The following SCNN1A variants were observed in gnomAD, a reference collection of about 807,000 sequenced individuals.
SCNN1A encodes epithelial sodium channel subunit alpha.
A neutral mutation model predicts 68.6 loss-of-function variants in SCNN1A; 65 were observed. That is an observed-to-expected ratio of 0.95 (90% CI 0.78 to 1.16). The LOEUF (loss-of-function observed/expected upper bound fraction) is 1.16, where lower values mean the gene tolerates loss of function less well. Among genes scored for constraint, SCNN1A ranks in the 50% most tolerant of loss-of-function variants. The pLI is 0.00. For synonymous variants in SCNN1A, 357 were observed against 353.3 expected, an observed-to-expected ratio of 1.01 and a Z score of -0.12; for missense variants, 880 against 865.9, an observed-to-expected ratio of 1.02 and a Z score of -0.20.
chr12:6,352,930 G>A (rs1002197690), intron 8 of SCNN1A, among the ~76,000 whole-genome samples: 2 of 152,242 alleles, frequency 1.3e-5, no homozygotes, highest in South Asian at 2.1e-4. Context: ...GTCCCCTCCC[G>A]TGATGGCCCT....
chr12:6,347,697 G>T lies in SCNN1A; in HGVS notation c.*176C>A, dbSNP rs1387307008. 4 of 649,130 alleles carry T rather than the reference G, an allele frequency of 6.2e-6. No individual in the cohort carries two copies. Among genetic ancestry groups the T allele is most frequent in the Non-Finnish European group, 1.1e-5 (4 of 360,122 alleles). 40.2% of individuals were successfully genotyped at this position (649,130 alleles called of 1,614,324 possible). A position where few individuals can be genotyped will look rare whatever the true frequency, so the allele number is the denominator to read the frequency against. Reference sequence around the variant, plus strand: ...AAGGCACTTCTGGGCAGCTTCATCAGCTACTGTTCTTGGAGCAACTTCCTG... The same window carrying T: ...AAGGCACTTCTGGGCAGCTTCATCATCTACTGTTCTTGGAGCAACTTCCTG... On this transcript the variant is annotated 3_prime_UTR_variant, in exon 13 of 13. Transcript: ENST00000228916.
intron 2 of SCNN1A, among the ~76,000 whole-genome samples, chr12:6,368,221 C>G (rs886416177): frequency 1.3e-5 from 2 of 152,182 alleles, no homozygotes; most frequent in Non-Finnish European, 2.9e-5. Context: ...CCGCCCCCAA[C>G]CAGAATAGAT....
At chr12:6,364,716 C>A (rs1377383555) in intron 2 of SCNN1A, among the ~76,000 whole-genome samples, 1 of 151,322 alleles carries the variant, frequency 6.6e-6, no homozygotes, top group Non-Finnish European at 1.5e-5. Context: ...GAGCCGAGAT[C>A]GCGCCACTAC....
At chr12:6,357,195 T>G (rs1002868807) in intron 4 of SCNN1A, among the ~76,000 whole-genome samples, 1 of 151,914 alleles carries the variant, frequency 6.6e-6, no homozygotes, top group South Asian at 2.1e-4. Flanking sequence ...ACAAGTATAA[T>G]GGTGGGTGCT....
chr12:6,347,878 GC>G lies in SCNN1A; in HGVS notation c.2004del (p.Ter670GlufsTer25), dbSNP rs761663786. ...GASSSTCPLG[G>X]P Reference sequence around the variant, plus strand: ...GAGAAACCTCTCCTTCCCTCTCAGGGCCCCCCCAGAGGACAGGTGGAGGAAC... The same window carrying G: ...GAGAAACCTCTCCTTCCCTCTCAGGGCCCCCCAGAGGACAGGTGGAGGAAC... On this transcript the variant is annotated frameshift_variant, in exon 13 of 13. Coordinates refer to ENST00000228916, the MANE Select transcript of SCNN1A (RefSeq NM_001038.6). LOFTEE classifies it high-confidence loss of function. 1.9e-5 allele frequency: 31 copies of G among 1,597,556 alleles called. No homozygotes were observed. The highest frequency in any genetic ancestry group is 4.5e-5 in the East Asian group (2 of 44,708).
rs745777993 is a variant in SCNN1A at position 6,362,079 on chromosome 12, G to A, written c.847C>T (p.Arg283Cys). Residue 283 changes from arginine (R) to cysteine (C), a missense_variant, in exon 4 of 13, where the codon CGC (arginine) becomes TGC (cysteine). Arg to Cys is a radical substitution (Grantham distance 180, BLOSUM62 -3). Around this residue, in one of 3 missense-constraint regions of SCNN1A, gnomAD observed 758 missense variants for 721.8 expected, o/e 1.05. Coordinates refer to ENST00000228916, the MANE Select transcript of SCNN1A (RefSeq NM_001038.6). ...DTLGNFIFAC[R>C]FNQVSCNQAN... ...TGGTTGCAGGAGACCTGGTTGAAGCGGCAGGCGAAGATGAAGTTGCCCAGC... is the reference window on the plus strand; with the variant it reads ...TGGTTGCAGGAGACCTGGTTGAAGCAGCAGGCGAAGATGAAGTTGCCCAGC... The A allele has an allele frequency of 2.7e-5, 43 of 1,614,094 alleles. No homozygotes were observed. The highest frequency in any genetic ancestry group is 1.1e-4 in the East Asian group (5 of 44,888).
At chr12:6,365,620 G>A (rs939011020) in intron 2 of SCNN1A, among the ~76,000 whole-genome samples, 1 of 152,238 alleles carries the variant, frequency 6.6e-6, no homozygotes, top group Admixed American at 6.5e-5. Flanking sequence ...TTGTTAGCAG[G>A]TTCTGCTAGA....
intron 10 of SCNN1A, 38 bp from the exon 11 acceptor site, chr12:6,349,043 T>C (rs371018426): frequency 6.2e-7 from 1 of 1,611,806 alleles, no homozygotes; most frequent in African/African-American, 1.3e-5. Context: ...GTCACTCCCA[T>C]ATGCTTCAGG....
At chr12:6,365,886 G>A (rs572864088) in intron 2 of SCNN1A, among the ~76,000 whole-genome samples, 5 of 151,246 alleles carry the variant, frequency 3.3e-5, no homozygotes, top group South Asian at 2.1e-4. Context: ...TTTTTGAGAC[G>A]GAGTCTCAAT....
intron 1 of SCNN1A, chr12:6,375,164 TTCC>T (rs1489067490): frequency 4.8e-6 from 7 of 1,459,872 alleles, no homozygotes; most frequent in African/African-American, 2.8e-5. Flanking sequence ...TTTGGTCTTC[TTCC>T]TCCAGGATCT....
intron 4 of SCNN1A, among the ~76,000 whole-genome samples, chr12:6,360,731 G>C (rs59254690): frequency 0.15 from 23,358 of 152,164 alleles, 3,820 homozygotes; most frequent in African/African-American, 0.42. Flanking sequence ...GAAAATAAAC[G>C]AGCAGGAGGA....
In SCNN1A at chr12:6,347,877, G is replaced by A. The variant is rs780566959; in HGVS notation, c.2006C>T (p.Pro669Leu). Residue 669 changes from proline to leucine, a missense_variant, in exon 13 of 13, where the codon CCC becomes CTC. This residue lies in a region of SCNN1A where 758 missense variants were observed against 721.8 expected (regional missense o/e 1.05). Coordinates refer to ENST00000228916, the MANE Select transcript of SCNN1A (RefSeq NM_001038.6). ...ASSSTCPLGG[P>L] ...TGAGAAACCTCTCCTTCCCTCTCAGGGCCCCCCCAGAGGACAGGTGGAGGA... is the reference window on the plus strand; with the variant it reads ...TGAGAAACCTCTCCTTCCCTCTCAGAGCCCCCCCAGAGGACAGGTGGAGGA... 13 of 1,601,300 alleles carry A rather than the reference G, an allele frequency of 8.1e-6. No individual in the cohort carries two copies. Among genetic ancestry groups the A allele is most frequent in the East Asian group, 4.5e-5 (2 of 44,740 alleles).
intron 2 of SCNN1A, among the ~76,000 whole-genome samples, chr12:6,364,687 G>A (rs181684548): frequency 2.6e-5 from 4 of 152,020 alleles, no homozygotes; most frequent in East Asian, 1.9e-4. Context: ...GTGTGAACCC[G>A]GGAGACAGAG....
In SCNN1A at chr12:6,353,714, C is replaced by T. The variant is rs1299644724; in HGVS notation, c.1360+724G>A. ...ACACCATTCTCCTGCCTCAGCCTCC[C>T]ACGTAGCTGGGACTACAGGCGCCCG... On this transcript the variant is annotated intron_variant, in intron 8 of 12. Coordinates refer to ENST00000228916, the MANE Select transcript of SCNN1A (RefSeq NM_001038.6). 1.6e-4 allele frequency: 15 copies of T among 93,632 alleles called. 4 individuals are homozygous for T. Among genetic ancestry groups the T allele is most frequent in the African/African-American group, 1.0e-3 (15 of 14,592 alleles). 5.8% of individuals were successfully genotyped at this position (93,632 alleles called of 1,614,324 possible). A position where few individuals can be genotyped will look rare whatever the true frequency, so the allele number is the denominator to read the frequency against.
intron 4 of SCNN1A, among the ~76,000 whole-genome samples, chr12:6,361,394 A>G (rs1409232521): frequency 6.6e-6 from 1 of 152,126 alleles, no homozygotes; most frequent in Non-Finnish European, 1.5e-5. Flanking sequence ...GAGACAGATG[A>G]TCTCCTAGGC....
Position 6,363,600 on chromosome 12 carries a change from C to T in SCNN1A, c.527G>A (p.Ser176Asn), listed in dbSNP as rs1307775608. 2.5e-6 allele frequency: 4 copies of T among 1,612,476 alleles called. No homozygotes were observed. Among genetic ancestry groups the T allele is most frequent in the Non-Finnish European group, 3.4e-6 (4 of 1,179,350 alleles). ...SFTTLVAGSR[S>N]RRDLRGTLPH... ...CAGAGTCCCCCGCAGGTCGCGACGG[C>T]TGCGGGAGCCGGCCACGAGAGTGGT... Residue 176 changes from serine to asparagine, a missense_variant, in exon 3 of 13, where the codon AGC (serine) becomes AAC (asparagine). Coordinates refer to ENST00000228916, the MANE Select transcript of SCNN1A (RefSeq NM_001038.6).
At chr12:6,358,335 A>T (rs1948530891) in intron 4 of SCNN1A, among the ~76,000 whole-genome samples, 1 of 152,344 alleles carries the variant, frequency 6.6e-6, no homozygotes, top group South Asian at 2.1e-4. Context: ...GCTGTTGGGA[A>T]TGTTAAATGG....
In SCNN1A at chr12:6,362,065, G is replaced by T; in HGVS notation, c.861C>A (p.Val287=). 2 of 1,614,248 alleles carry T rather than the reference G, an allele frequency of 1.2e-6. No individual in the cohort carries two copies. The highest frequency in any genetic ancestry group is 1.7e-6 in the Non-Finnish European group (2 of 1,180,034). The change falls in exon 4 of 13, where the codon GTC becomes GTA. Residue 287 remains valine, a synonymous_variant. Coordinates refer to ENST00000228916, the MANE Select transcript of SCNN1A (RefSeq NM_001038.6). The part of the protein sequence containing the change: ...NFIFACRFNQ[V]SCNQANYSHF... Reference sequence around the variant, plus strand: ...GACTGACTCACGCCTGGTTGCAGGAGACCTGGTTGAAGCGGCAGGCGAAGA... The same window carrying T: ...GACTGACTCACGCCTGGTTGCAGGATACCTGGTTGAAGCGGCAGGCGAAGA...
intron 3 of SCNN1A, among the ~76,000 whole-genome samples, 157 bp downstream of exon 3, chr12:6,363,286 G>A (rs1384875734): frequency 6.6e-6 from 1 of 151,858 alleles, no homozygotes; most frequent in African/African-American, 2.4e-5. Context: ...GTTATTATTT[G>A]TATTTATTTA....
Sources: allele counts gnomAD v4.1 joint callset (sites outside exome capture counted in the v4.1 genomes callset), GRCh38; gene constraint gnomAD v4.1.1; regional missense constraint gnomAD v4.1.1; transcripts MANE v1.5; gene names NCBI Gene and HGNC (gene_info 2026-07-23, HGNC 2026-07-21).